The following LOXHD1 variants were observed in gnomAD, a reference collection of about 807,000 sequenced individuals.
LOXHD1 encodes lipoxygenase homology PLAT domains 1.
In LOXHD1, 205 loss-of-function variants were observed where a neutral mutation model predicts 248.2. The observed-to-expected ratio is 0.83, with a 90% CI of 0.74 to 0.93. The LOEUF is 0.93. Among genes scored for constraint, LOXHD1 ranks in the 40% least tolerant of loss-of-function variants. The pLI, the probability that LOXHD1 is intolerant of heterozygous loss-of-function variation, is 0.00. For synonymous variants in LOXHD1, 1,113 were observed against 1,162.8 expected (o/e 0.96, Z 0.87); for missense variants, 2,930 against 2,971.6 (o/e 0.99, Z 0.33).
At chr18:46,519,172 C>T (rs976993456) in intron 33 of LOXHD1, 4 of 860,062 alleles carry the variant, frequency 4.7e-6, no homozygotes, top group African/African-American at 3.7e-5. Context: ...TCACCAAGTG[C>T]CCCTGGACTC....
rs370491854 is a variant in LOXHD1, at chr18:46,594,494, G to A, written c.1135-28C>T. The A allele has an allele frequency of 2.3e-4, 354 of 1,550,456 alleles. 1 individual carries two copies. Among genetic ancestry groups the A allele is most frequent in the Non-Finnish European group, 2.9e-4 (332 of 1,146,936 alleles). The stretch of plus-strand genomic sequence containing the variant: ...GGGGAGAGTGGAGCACAGTGTCTCC[G>A]GCATTGAGTCTCCAGTAGGGTCCTC... On this transcript the variant is annotated intron_variant, in intron 8 of 40. Transcript: ENST00000642948.
In LOXHD1 at chr18:46,489,082, G is replaced by T; in HGVS notation, c.5939C>A (p.Thr1980Asn). The change falls in exon 38 of 41, where the codon ACC becomes AAC. Residue 1980 changes from threonine (T) to asparagine (N), a missense_variant. Physicochemically the swap from Thr to Asn is moderately conservative, Grantham distance 65 (BLOSUM62 0). Transcript: ENST00000642948. ...CCAGCAGTCACACTGGAAGTGGAAG[G>T]TCTCGTCGCGGGAGTTGTCCTTCAC... ...VDVKDNSRDE[T>N]FHFQCDCWLS... 1 of 1,551,700 alleles carries T rather than the reference G, an allele frequency of 6.4e-7. No homozygotes were observed.
rs886053838 is a variant in LOXHD1, at chr18:46,592,516, A to G, written c.1500T>C (p.Ser500=). 129 of 1,551,592 alleles carry G rather than the reference A, an allele frequency of 8.3e-5. No individual in the cohort carries two copies. The highest frequency in any genetic ancestry group is 1.1e-4 in the Non-Finnish European group (128 of 1,146,962). Residue 500 remains serine, a synonymous_variant, in exon 11 of 41, where the codon TCT becomes TCC. Transcript: ENST00000642948. ...ATCTCACCCTTTCTAAATGCCATCC[A>G]GAACCAGAACTCCTTTTATCATGCC... The part of the protein sequence containing the change: ...RVWHDKRSSG[S]GWHLERMTLM...
intron 37 of LOXHD1, among the ~76,000 whole-genome samples, chr18:46,494,141 T>C (rs894815075): frequency 6.6e-6 from 1 of 152,188 alleles, no homozygotes; most frequent in Non-Finnish European, 1.5e-5. Context: ...CACAGACATC[T>C]TGAGAAATCT....
Position 46,592,579 on chromosome 18 carries a change from C to A in LOXHD1, c.1437G>T (p.Glu479Asp). Residue 479 changes from glutamate to aspartate, a missense_variant, in exon 11 of 41, where the codon GAG (glutamate) becomes GAT (aspartate). By Grantham distance (45) the Glu-to-Asp change is conservative. Coordinates refer to ENST00000642948, the MANE Select transcript of LOXHD1 (RefSeq NM_001384474.1). ...TATAAAACCTGCCAAGATCCGGGAGCTCAATCTATGGTGAGAAATAAAAAC... is the reference window on the plus strand; with the variant it reads ...TATAAAACCTGCCAAGATCCGGGAGATCAATCTATGGTGAGAAATAAAAAC... ...KPGIIEKFRI[E>D]LPDLGRFYKI... 6.4e-7 allele frequency: 1 copy of A among 1,551,288 alleles called. No homozygotes were observed. The highest frequency in any genetic ancestry group is 8.7e-7 in the Non-Finnish European group (1 of 1,146,650).
intron 14 of LOXHD1, among the ~76,000 whole-genome samples, chr18:46,574,420 C>CACACACACACACACACCCACACA (rs1568195079): frequency 6.9e-6 from 1 of 144,150 alleles, no homozygotes; most frequent in Non-Finnish European, 1.5e-5. Flanking sequence ...CACACACACA[C>CACACACACACACACACCCACACA]CTGATCCTAG....
chr18:46,580,004 A>G (rs1179236258), intron 12 of LOXHD1, among the ~76,000 whole-genome samples: 2 of 152,218 alleles, frequency 1.3e-5, no homozygotes, highest in East Asian at 3.9e-4. Context: ...TTATAGGTAT[A>G]TGGATTCCAT....
At chr18:46,608,902 C>A (rs2038462890) in intron 6 of LOXHD1, among the ~76,000 whole-genome samples, 1 of 152,236 alleles carries the variant, frequency 6.6e-6, no homozygotes, top group Non-Finnish European at 1.5e-5. Context: ...ACTCAACACC[C>A]TTTCCAATCA....
intron 35 of LOXHD1, among the ~76,000 whole-genome samples, chr18:46,509,200 G>A (rs1377120860): frequency 6.6e-6 from 1 of 152,168 alleles, no homozygotes; most frequent in Non-Finnish European, 1.5e-5. Context: ...CCAACTGAGA[G>A]CTTAAGGATC....
In LOXHD1 at chr18:46,509,690, C is replaced by T; in HGVS notation, c.5517+8G>A. On this transcript the variant is annotated splice_region_variant and intron_variant, in intron 35 of 40. Transcript: ENST00000642948. ...CTGGAAGGAAGAGTGAGGGTCTAGA[C>T]ATTTTACCCTCTCCAGGAACCACTC... The T allele has an allele frequency of 1.3e-6, 2 of 1,540,666 alleles. No individual in the cohort carries two copies. Among genetic ancestry groups the T allele is most frequent in the South Asian group, 2.4e-5 (2 of 83,872 alleles).
chr18:46,560,388 T>C lies in LOXHD1; in HGVS notation c.2756A>G (p.Glu919Gly). 6.4e-7 allele frequency: 1 copy of C among 1,551,844 alleles called. No individual in the cohort carries two copies. Among genetic ancestry groups the C allele is most frequent in the Non-Finnish European group, 8.7e-7 (1 of 1,147,960 alleles). Residue 919 changes from glutamate to glycine, a missense_variant, in exon 19 of 41, where the codon GAG becomes GGG. By Grantham distance (98) the Glu-to-Gly change is moderately conservative. Coordinates refer to ENST00000642948, the MANE Select transcript of LOXHD1 (RefSeq NM_001384474.1). ...GAGCAGCTGCCGCAGCTTGTCCTTC[T>C]CCTTCTTCTTCCGGGCCTCCTCCTC... Reference protein sequence around the residue: ...TPEEEARKKKEKDKLRQLLKK... With the variant: ...TPEEEARKKKGKDKLRQLLKK...
At chr18:46,602,691 T>A (rs530314272) in intron 7 of LOXHD1, among the ~76,000 whole-genome samples, 3 of 152,258 alleles carry the variant, frequency 2.0e-5, no homozygotes, top group African/African-American at 7.2e-5. Context: ...ATTCTTAAAC[T>A]TACATTTTCT....
chr18:46,608,756 C>T (rs904860407), intron 6 of LOXHD1, among the ~76,000 whole-genome samples: 9 of 152,344 alleles, frequency 5.9e-5, no homozygotes, highest in African/African-American at 2.2e-4. Context: ...CAGGCAAGCC[C>T]TTCCTTTCCA....
At position 46,545,385 on chromosome 18, in the gene LOXHD1, C is replaced by T; in HGVS notation, c.3551G>A (p.Gly1184Glu). Residue 1184 changes from glycine to glutamate, a missense_variant, in exon 23 of 41, where the codon GGG becomes GAG. By Grantham distance (98) the Gly-to-Glu change is moderately conservative (BLOSUM62 -2). Transcript: ENST00000642948. ...STTFSVTIKT[G>E]VKKNAGTDAN... ...ATCTGTGCCCGCATTCTTCTTAACC[C>T]CAGTCTTTATGGTCACTGAGAATGT... The T allele has an allele frequency of 1.3e-6, 2 of 1,551,922 alleles. No homozygotes were observed. Among genetic ancestry groups the T allele is most frequent in the Non-Finnish European group, 8.7e-7 (1 of 1,146,972 alleles).
Position 46,541,665 on chromosome 18 carries a change from T to G in LOXHD1, c.3913+111A>C, listed in dbSNP as rs1280294769. ...GGACAGGGATGAAAGACCAAAATCTTCAAGGTGGGCCTGGCCCACAGTCAA... is the reference window on the plus strand; with the variant it reads ...GGACAGGGATGAAAGACCAAAATCTGCAAGGTGGGCCTGGCCCACAGTCAA... On this transcript the variant is annotated intron_variant, in intron 25 of 40. Coordinates refer to ENST00000642948, the MANE Select transcript of LOXHD1 (RefSeq NM_001384474.1). 3.9e-6 allele frequency: 5 copies of G among 1,283,480 alleles called. No homozygotes were observed. The Admixed American group carries it at 1.1e-4, about 27-fold the overall frequency. The allele number at this position is 1,283,480 out of a possible 1,614,324, so 79.5% of individuals were successfully genotyped here.
intron 18 of LOXHD1, 29 bp from the exon 19 acceptor site, chr18:46,560,574 G>A (rs749027526): frequency 1.8e-5 from 27 of 1,500,234 alleles, no homozygotes; most frequent in East Asian, 2.5e-5. Context: ...AGCGGCTGTC[G>A]TGGCCCCAGC....
chr18:46,593,485 C>T, intron 10 of LOXHD1, 115 bp downstream of exon 10: 1 of 1,178,222 alleles, frequency 8.5e-7, no homozygotes, highest in Non-Finnish European at 1.2e-6. Context: ...CTCCATCGTA[C>T]ATTTTTGTCT....
At chr18:46,567,896 T>G (rs1310801219) in intron 16 of LOXHD1, among the ~76,000 whole-genome samples, 2 of 152,132 alleles carry the variant, frequency 1.3e-5, no homozygotes, top group African/African-American at 2.4e-5. Context: ...TTTCGGAAAC[T>G]CAGGAAGAAG....
intron 20 of LOXHD1, chr18:46,559,220 G>T (rs1258040645): frequency 1.3e-6 from 2 of 1,491,662 alleles, no homozygotes; most frequent in Admixed American, 4.0e-5. Flanking sequence ...TGTTCCTGTG[G>T]GTCAGCTGGC....
Sources: allele counts gnomAD v4.1 joint callset (sites outside exome capture counted in the v4.1 genomes callset), GRCh38; gene constraint gnomAD v4.1.1; transcripts MANE v1.5; gene names NCBI Gene and HGNC (gene_info 2026-07-23, HGNC 2026-07-21).